The following ELAPOR2 variants were observed in gnomAD, a reference collection of about 807,000 sequenced individuals.
The protein encoded by ELAPOR2 is endosome/lysosome-associated apoptosis and autophagy regulator family member 2.
Under a neutral mutation model 120.7 loss-of-function variants are expected in ELAPOR2, and 89 were observed. That is an observed-to-expected ratio of 0.74 (90% CI 0.62 to 0.88). The LOEUF (loss-of-function observed/expected upper bound fraction) is 0.88. Among genes scored for constraint, ELAPOR2 ranks in the 40% least tolerant of loss-of-function variants. The probability of loss-of-function intolerance (pLI) is 0.00; values close to 1 mark genes in which losing one functional copy is unlikely to be tolerated. For synonymous variants in ELAPOR2, 444 were observed against 444.9 expected, an observed-to-expected ratio of 1.00 and a Z score of 0.03; for missense variants, 1,134 against 1,251.6, an observed-to-expected ratio of 0.91 and a Z score of 1.42.
intron 1 of ELAPOR2, among the ~76,000 whole-genome samples, chr7:87,039,237 C>A (rs911604803): frequency 1.3e-5 from 2 of 151,402 alleles, no homozygotes; most frequent in African/African-American, 2.4e-5. Context: ...CCTGAACAGA[C>A]CAATACCAAT....
At chr7:86,996,496 T>C (rs1197576839) in intron 1 of ELAPOR2, among the ~76,000 whole-genome samples, 1 of 152,214 alleles carries the variant, frequency 6.6e-6, no homozygotes, top group African/African-American at 2.4e-5. Flanking sequence ...AAGAGTATCA[T>C]GAAATGAGAA....
intron 1 of ELAPOR2, among the ~76,000 whole-genome samples, chr7:87,015,456 C>CT (rs1239557951): frequency 1.3e-5 from 2 of 151,998 alleles, no homozygotes; most frequent in Non-Finnish European, 2.9e-5. Flanking sequence ...ATTATAAAAC[C>CT]TTTTTACTAA....
chr7:86,884,071 A>G (rs1799572400), intron 21 of ELAPOR2, among the ~76,000 whole-genome samples: 2 of 152,322 alleles, frequency 1.3e-5, no homozygotes, highest in East Asian at 3.9e-4. Context: ...TGGGCATATG[A>G]CTATACCACT....
chr7:86,972,242 G>A (rs1035695948), intron 1 of ELAPOR2, among the ~76,000 whole-genome samples: 15 of 152,062 alleles, frequency 9.9e-5, no homozygotes, highest in African/African-American at 3.4e-4. Context: ...TGGTTGTATC[G>A]CTCATCAGAA....
At position 86,938,222 on chromosome 7, in the gene ELAPOR2, A is replaced by G; in HGVS notation, c.1001-8T>C. The G allele has an allele frequency of 4.5e-6, 7 of 1,544,054 alleles. No individual in the cohort carries two copies. Among genetic ancestry groups the G allele is most frequent in the Middle Eastern group, 1.7e-4 (1 of 5,960 alleles). On this transcript the variant is annotated splice_region_variant and splice_polypyrimidine_tract_variant and intron_variant, in intron 7 of 21. Coordinates refer to ENST00000450689, the MANE Select transcript of ELAPOR2 (RefSeq NM_001142749.3). ...ACTCACTGGATCCTTCCTCTGCAAC[A>G]TAAAAAAAGCGTTTCAGAAATGGGT...
intron 1 of ELAPOR2, among the ~76,000 whole-genome samples, chr7:86,975,864 T>C (rs1792267294): frequency 6.6e-6 from 1 of 152,226 alleles, no homozygotes; most frequent in Non-Finnish European, 1.5e-5. Context: ...GCTTCTTTTC[T>C]TTCCTTTTTC....
chr7:87,036,622 G>A lies in ELAPOR2; in HGVS notation c.189+22703C>T, dbSNP rs1794596857. Among the ~76,000 whole-genome samples the A allele has an allele frequency of 2.0e-5, 3 of 152,288 alleles. No homozygotes were observed. In the South Asian group the frequency reaches 6.2e-4, roughly 32 times the overall value. ...GAGCCATAAAAAACAACAAAATCAT[G>A]TATTTTGCATAAACATGGATGTAGC... is the stretch of plus-strand genomic sequence containing the variant. On this transcript the variant is annotated intron_variant, in intron 1 of 21. Transcript: ENST00000450689.
chr7:87,035,587 A>G (rs183542658), intron 1 of ELAPOR2, among the ~76,000 whole-genome samples: 1 of 152,262 alleles, frequency 6.6e-6, no homozygotes, highest in African/African-American at 2.4e-5. Context: ...TCACATCTCA[A>G]GCCAATGTCA....
At position 86,878,810 on chromosome 7, in the gene ELAPOR2, G is replaced by T. The variant is rs1024249456; in HGVS notation, c.*1661C>A. On this transcript the variant is annotated 3_prime_UTR_variant, in exon 22 of 22. Transcript: ENST00000450689. Reference sequence around the variant, plus strand: ...AAATGCAAAAAAAGGTTTATGCAAAGTGACTCCCTCCCTGAATCCCAGAGC... The same window carrying T: ...AAATGCAAAAAAAGGTTTATGCAAATTGACTCCCTCCCTGAATCCCAGAGC... 3 of 152,176 alleles carry T rather than the reference G, an allele frequency of 2.0e-5. No individual in the cohort carries two copies. The highest frequency in any genetic ancestry group is 4.4e-5 in the Non-Finnish European group (3 of 68,014). The allele number at this position is 152,176 out of a possible 1,614,324, so 9.4% of individuals were successfully genotyped here.
At chr7:86,937,138 T>C (rs1790593549) in intron 8 of ELAPOR2, among the ~76,000 whole-genome samples, 1 of 152,128 alleles carries the variant, frequency 6.6e-6, no homozygotes, top group Admixed American at 6.6e-5. Flanking sequence ...AGTTAACAGC[T>C]GTTAGTTTGA....
In ELAPOR2 at chr7:86,911,986, G is replaced by T. The variant is rs1194169241; in HGVS notation, c.2169+86C>A. On this transcript the variant is annotated intron_variant, in intron 15 of 21. Coordinates refer to ENST00000450689, the MANE Select transcript of ELAPOR2 (RefSeq NM_001142749.3). ...CTGACACTTGGTTGATATCCATAGA[G>T]AATTTATTGGTCCATTAACACAGAA... 6 of 1,304,380 alleles carry T rather than the reference G, an allele frequency of 4.6e-6. No homozygotes were observed. In the East Asian group the frequency reaches 7.0e-5, roughly 15 times the overall value. 80.8% of individuals were successfully genotyped at this position (1,304,380 alleles called of 1,614,324 possible).
At chr7:87,056,226 GC>G (rs541830466) in intron 1 of ELAPOR2, among the ~76,000 whole-genome samples, 33 of 152,146 alleles carry the variant, frequency 2.2e-4, no homozygotes, top group African/African-American at 7.7e-4. Flanking sequence ...GCAATAATCA[GC>G]CCTCATATTT....
intron 1 of ELAPOR2, among the ~76,000 whole-genome samples, chr7:87,017,937 A>G (rs781779826): frequency 4.2e-4 from 64 of 152,136 alleles, no homozygotes; most frequent in Non-Finnish European, 7.8e-4. Context: ...AAATAAAATA[A>G]AATAAAAGCA....
chr7:86,961,122 ATC>A (rs2116463800), intron 2 of ELAPOR2, among the ~76,000 whole-genome samples: 1 of 152,314 alleles, frequency 6.6e-6, no homozygotes. Context: ...TTCTATATAC[ATC>A]TATATGTATT....
rs138162061 is a variant in ELAPOR2, at chr7:86,919,275, C to T, written c.1435G>A (p.Ala479Thr). The change falls in exon 11 of 22, where the codon GCT becomes ACT. Residue 479 changes from alanine to threonine, a missense_variant. By Grantham distance (58) the Ala-to-Thr change is moderately conservative. Around this residue, in one of 3 missense-constraint regions of ELAPOR2, gnomAD observed 831 missense variants for 867.6 expected, o/e 0.96. Transcript: ENST00000450689. The part of the protein sequence containing the change: ...EVAGDHIQSG[A>T]GGSDNDYLIL... ...AGGTAATCATTGTCAGAACCTCCAG[C>T]CCCACTCTGGATATGATCTCCAGCC... 7.4e-6 allele frequency: 12 copies of T among 1,611,492 alleles called. No individual in the cohort carries two copies. The highest frequency in any genetic ancestry group is 4.0e-5 in the African/African-American group (3 of 74,796).
intron 5 of ELAPOR2, among the ~76,000 whole-genome samples, chr7:86,940,926 T>A (rs1790773525): frequency 1.3e-5 from 2 of 152,118 alleles, no homozygotes; most frequent in Admixed American, 6.6e-5. Flanking sequence ...AAAAAGTATA[T>A]TTATTTTTAA....
intron 1 of ELAPOR2, among the ~76,000 whole-genome samples, chr7:86,998,250 CTTA>C (rs1414469061): frequency 6.6e-6 from 1 of 152,088 alleles, no homozygotes; most frequent in East Asian, 1.9e-4. Context: ...TCAAATTTAT[CTTA>C]TTATATTCTC....
chr7:87,056,036 T>A (rs544774751), intron 1 of ELAPOR2, among the ~76,000 whole-genome samples: 1 of 152,224 alleles, frequency 6.6e-6, no homozygotes, highest in Non-Finnish European at 1.5e-5. Flanking sequence ...TCTGATACCT[T>A]ACTGCAACTC....
intron 10 of ELAPOR2, among the ~76,000 whole-genome samples, chr7:86,925,011 G>A (rs1357948340): frequency 1.3e-5 from 2 of 152,028 alleles, no homozygotes; most frequent in Admixed American, 6.6e-5. Context: ...TAAAAGGTAA[G>A]AGCAAATACA....
Sources: allele counts gnomAD v4.1 joint callset (sites outside exome capture counted in the v4.1 genomes callset), GRCh38; gene constraint gnomAD v4.1.1; regional missense constraint gnomAD v4.1.1; transcripts MANE v1.5; gene names NCBI Gene and HGNC (gene_info 2026-07-23, HGNC 2026-07-21).